FGF14: variants seen among roughly 807,000 people sequenced by gnomAD.
The protein encoded by FGF14 is fibroblast growth factor 14.
FGF14 carries 5 observed loss-of-function variants against 25.5 expected under a neutral mutation model. The ratio of observed to expected loss-of-function variants is 0.20; its 90% CI spans 0.10 to 0.41. The LOEUF is 0.41. Ranked by LOEUF, FGF14 falls within the 10% of genes least tolerant of loss-of-function variation. FGF14 has a pLI of 1.00. For missense variants in FGF14, 222 were observed against 320.1 expected (o/e 0.69, Z 2.34); for synonymous variants, 138 against 118.3 (o/e 1.17, Z -1.08).
At position 101,836,484 on chromosome 13, in the gene FGF14, T is replaced by C. The variant is rs143341512; in HGVS notation, c.408+32241A>G. On this transcript the variant is annotated intron_variant, in intron 3 of 4. Coordinates refer to ENST00000376143, the MANE Select transcript of FGF14 (RefSeq NM_004115.4). ...ACAAAAAGTGAGGACCTACCTGAGG[T>C]AACAACCGAAGGAGTCAGTAATTAG... Among the ~76,000 whole-genome samples, 4 of 152,162 alleles carry C rather than the reference T, an allele frequency of 2.6e-5. No homozygotes were observed. In the East Asian group the frequency reaches 7.8e-4, roughly 30 times the overall value.
intron 3 of FGF14, among the ~76,000 whole-genome samples, chr13:101,852,608 C>T (rs572699679): frequency 2.6e-4 from 40 of 152,096 alleles, no homozygotes; most frequent in African/African-American, 7.9e-4. Context: ...TTTTATGACA[C>T]TCTCTTAAAG....
chr13:102,227,666 A>C (rs888256484), intron 1 of FGF14, among the ~76,000 whole-genome samples: 1 of 152,182 alleles, frequency 6.6e-6, no homozygotes, highest in African/African-American at 2.4e-5. Flanking sequence ...CTATTAATAA[A>C]ACTACATTAT....
intron 1 of FGF14, among the ~76,000 whole-genome samples, chr13:102,012,939 G>T (rs1053595532): frequency 2.0e-5 from 3 of 152,122 alleles, no homozygotes; most frequent in African/African-American, 7.2e-5. Flanking sequence ...ACAAGCCGGG[G>T]TATTCATGAC....
chr13:102,170,545 A>G (rs912619142), intron 1 of FGF14, among the ~76,000 whole-genome samples: 4 of 152,100 alleles, frequency 2.6e-5, no homozygotes, highest in Non-Finnish European at 5.9e-5. Flanking sequence ...CACGCATTTT[A>G]CAATCAGTTC....
chr13:101,929,511 C>T (rs2034603978), intron 1 of FGF14, among the ~76,000 whole-genome samples: 1 of 152,138 alleles, frequency 6.6e-6, no homozygotes, highest in African/African-American at 2.4e-5. Flanking sequence ...AGCTGTAGAA[C>T]CAGCTGAGGT....
In FGF14 at chr13:101,710,869, G is replaced by GA. The variant is rs2034432976; in HGVS notation, c.*11961dup. 6.6e-6 allele frequency: 1 copy of GA among 152,154 alleles called. No homozygotes were observed. The highest frequency in any genetic ancestry group is 1.5e-5 in the Non-Finnish European group (1 of 68,014). The allele number at this position is 152,154 out of a possible 1,614,324, so 9.4% of individuals were successfully genotyped here. ...AGCCAAGACAATAAATCACTCCATAGAAAAATTTAAAACAAGATACATTCT... is the reference window on the plus strand; with the variant it reads ...AGCCAAGACAATAAATCACTCCATAGAAAAAATTTAAAACAAGATACATTCT... On this transcript the variant is annotated 3_prime_UTR_variant, in exon 5 of 5. Transcript: ENST00000376143.
intron 1 of FGF14, among the ~76,000 whole-genome samples, chr13:101,949,482 T>G (rs1438819995): frequency 3.3e-5 from 5 of 152,142 alleles, no homozygotes; most frequent in African/African-American, 4.8e-5. Context: ...GGGGTACTAT[T>G]TAGTAAATGG....
intron 1 of FGF14, among the ~76,000 whole-genome samples, chr13:101,887,515 A>T (rs1367552956): frequency 6.6e-6 from 1 of 151,840 alleles, no homozygotes; most frequent in Non-Finnish European, 1.5e-5. Flanking sequence ...CAGATATCTC[A>T]TATTCTTGTG....
At chr13:102,195,329 T>C (rs1472691457) in intron 1 of FGF14, among the ~76,000 whole-genome samples, 1 of 152,180 alleles carries the variant, frequency 6.6e-6, no homozygotes, top group Non-Finnish European at 1.5e-5. Context: ...TGTAAATATT[T>C]ATTCTTATAT....
chr13:102,272,638 C>T (rs565755398), intron 1 of FGF14, among the ~76,000 whole-genome samples: 1 of 152,192 alleles, frequency 6.6e-6, no homozygotes, highest in South Asian at 2.1e-4. Context: ...AAAATGCATA[C>T]CCAGATGAAA....
intron 1 of FGF14, among the ~76,000 whole-genome samples, chr13:101,955,161 T>C (rs1315165132): frequency 2.0e-5 from 3 of 152,240 alleles, no homozygotes; most frequent in Non-Finnish European, 2.9e-5. Context: ...GAATGAGCTA[T>C]GATCACTGCA....
In FGF14 at chr13:101,718,946, A is replaced by G. The variant is rs2034823235; in HGVS notation, c.*3885T>C. Reference sequence around the variant, plus strand: ...TATTTCACTCAAAGTAAGACCATGTACATCCTGGATTTTGATATGCCTGCA... The same window carrying G: ...TATTTCACTCAAAGTAAGACCATGTGCATCCTGGATTTTGATATGCCTGCA... On this transcript the variant is annotated 3_prime_UTR_variant, in exon 5 of 5. Coordinates refer to ENST00000376143, the MANE Select transcript of FGF14 (RefSeq NM_004115.4). 6.6e-6 allele frequency: 1 copy of G among 152,090 alleles called. No individual in the cohort carries two copies. Among genetic ancestry groups the G allele is most frequent in the African/African-American group, 2.4e-5 (1 of 41,416 alleles). The allele number at this position is 152,090 out of a possible 1,614,324, so 9.4% of individuals were successfully genotyped here.
intron 1 of FGF14, among the ~76,000 whole-genome samples, chr13:101,994,839 T>C (rs1410298721): frequency 1.3e-5 from 2 of 152,102 alleles, no homozygotes; most frequent in Non-Finnish European, 2.9e-5. Flanking sequence ...CATTCTATAG[T>C]ATATTCCCAA....
At chr13:102,152,254 C>T (rs2047119588) in intron 1 of FGF14, among the ~76,000 whole-genome samples, 1 of 152,220 alleles carries the variant, frequency 6.6e-6, no homozygotes, top group African/African-American at 2.4e-5. Flanking sequence ...AACATCAAAG[C>T]AAAGGCTTCA....
intron 1 of FGF14, among the ~76,000 whole-genome samples, chr13:101,910,853 TG>T (rs2032855181): frequency 1.5e-5 from 2 of 130,604 alleles, no homozygotes; most frequent in Non-Finnish European, 3.2e-5. Context: ...TGTGTGTGTG[TG>T]TGTGTGTGTG....
intron 1 of FGF14, among the ~76,000 whole-genome samples, chr13:102,315,720 A>G (rs2055988583): frequency 6.6e-6 from 1 of 152,210 alleles, no homozygotes; most frequent in Admixed American, 6.5e-5. Flanking sequence ...TCTAAAATAT[A>G]TCAGCTTGGG....
At chr13:102,269,844 A>G (rs1204651244) in intron 1 of FGF14, among the ~76,000 whole-genome samples, 3 of 152,186 alleles carry the variant, frequency 2.0e-5, no homozygotes, top group Non-Finnish European at 4.4e-5. Context: ...CCCTTTCAAA[A>G]AAAAAAATCA....
chr13:102,063,632 G>A (rs558568891), intron 1 of FGF14, among the ~76,000 whole-genome samples: 16 of 151,410 alleles, frequency 1.1e-4, no homozygotes, highest in Admixed American at 3.3e-4. Flanking sequence ...AAAAAAGTTC[G>A]CAATGCTAAA....
rs1457907392 is a variant in FGF14, at chr13:101,969,753, T to A, written c.209-94457A>T. Among the ~76,000 whole-genome samples, 3 of 152,288 alleles carry A rather than the reference T, an allele frequency of 2.0e-5. No homozygotes were observed. The East Asian group carries it at 5.8e-4, about 29-fold the overall frequency. On this transcript the variant is annotated intron_variant, in intron 1 of 4. Transcript: ENST00000376131. ...CCTAGAGTAGAAAAGTGGCATCCAA[T>A]TAGAAAAAAGGAATTTTTATTTGAT...
Sources: allele counts gnomAD v4.1 joint callset (sites outside exome capture counted in the v4.1 genomes callset), GRCh38; gene constraint gnomAD v4.1.1; transcripts MANE v1.5; gene names NCBI Gene and HGNC (gene_info 2026-07-23, HGNC 2026-07-21).